ROBO1: variants seen among roughly 807,000 people sequenced by gnomAD.
ROBO1 encodes the protein roundabout guidance receptor 1.
Under a neutral mutation model 195.9 loss-of-function variants are expected in ROBO1, and 149 were observed. The ratio of observed to expected loss-of-function variants is 0.76; its 90% CI spans 0.67 to 0.87. The LOEUF is 0.87. Ranked by LOEUF, ROBO1 falls within the 40% of genes least tolerant of loss-of-function variation. The pLI, the probability that ROBO1 is intolerant of heterozygous loss-of-function variation, is 0.00. For missense variants in ROBO1, 1,933 were observed against 2,068.3 expected (o/e 0.93, Z 1.27); for synonymous variants, 816 against 733.2 (o/e 1.11, Z -1.82).
rs928346075 is a variant in ROBO1, at chr3:79,292,996, C to T, written c.89-167457G>A. Among the ~76,000 whole-genome samples the T allele has an allele frequency of 2.6e-5, 4 of 152,080 alleles. No individual in the cohort carries two copies. In the South Asian group the frequency reaches 8.3e-4, roughly 32 times the overall value. ...CTCTGGTAGAATTTGGCTGTGAATC[C>T]GTCTGGTCCTTCGCTTTTTTTGGTT... On this transcript the variant is annotated intron_variant, in intron 2 of 30. Coordinates refer to ENST00000464233, the MANE Select transcript of ROBO1 (RefSeq NM_002941.4).
intron 1 of ROBO1, among the ~76,000 whole-genome samples, chr3:79,652,845 A>G (rs1946051766): frequency 6.6e-6 from 1 of 152,072 alleles, no homozygotes; most frequent in Non-Finnish European, 1.5e-5. Context: ...TTTCTAAATT[A>G]GAAATTCTAA....
chr3:79,392,003 C>A (rs558953061), intron 2 of ROBO1, among the ~76,000 whole-genome samples: 6 of 152,166 alleles, frequency 3.9e-5, no homozygotes, highest in Middle Eastern at 3.4e-3. Context: ...TAGTTTAAGA[C>A]GAAATCATTA....
intron 2 of ROBO1, among the ~76,000 whole-genome samples, chr3:79,560,634 A>T (rs1942883663): frequency 6.7e-6 from 1 of 150,290 alleles, no homozygotes; most frequent in African/African-American, 2.5e-5. Context: ...TAGTCATCCG[A>T]GACCTAGTGG....
At chr3:78,662,293 A>G (rs1707469541) in intron 14 of ROBO1, among the ~76,000 whole-genome samples, 179 bp from the exon 15 acceptor site, 1 of 152,128 alleles carries the variant, frequency 6.6e-6, no homozygotes, top group African/African-American at 2.4e-5. Context: ...GGATCAGGAA[A>G]GTAAGAGGGG....
At chr3:79,687,675 A>G (rs1436235522) in intron 1 of ROBO1, among the ~76,000 whole-genome samples, 1 of 152,202 alleles carries the variant, frequency 6.6e-6, no homozygotes, top group African/African-American at 2.4e-5. Context: ...ATGAGATACC[A>G]TCTCACACCA....
intron 3 of ROBO1, among the ~76,000 whole-genome samples, chr3:79,063,470 G>T (rs2078954520): frequency 2.2e-5 from 3 of 135,630 alleles, no homozygotes; most frequent in East Asian, 2.2e-4. Context: ...CTTCTCATTT[G>T]TTCTTAATCT....
intron 1 of ROBO1, among the ~76,000 whole-genome samples, chr3:79,720,031 A>G (rs1444769381): frequency 3.3e-5 from 5 of 152,232 alleles, no homozygotes; most frequent in African/African-American, 1.2e-4. Flanking sequence ...ACTGTATCAC[A>G]TCATCACAAA....
chr3:79,472,072 C>G (rs1387205047), intron 2 of ROBO1, among the ~76,000 whole-genome samples: 1 of 151,926 alleles, frequency 6.6e-6, no homozygotes, highest in Non-Finnish European at 1.5e-5. Context: ...TACCCCAGAA[C>G]TTAAAGTATA....
intron 2 of ROBO1, among the ~76,000 whole-genome samples, chr3:79,208,687 ATG>A (rs59970776): frequency 0.64 from 92,546 of 145,112 alleles, 31,241 homozygotes; most frequent in Non-Finnish European, 0.76. Context: ...GTGGTGGGGC[ATG>A]TGTGTGTGTG....
At chr3:78,679,414 T>C (rs1332534938) in intron 10 of ROBO1, among the ~76,000 whole-genome samples, 4 of 152,224 alleles carry the variant, frequency 2.6e-5, no homozygotes, top group Non-Finnish European at 5.9e-5. Context: ...CATGATTGTA[T>C]ATCTACAAAA....
At chr3:79,491,384 G>T (rs980401770) in intron 2 of ROBO1, among the ~76,000 whole-genome samples, 1 of 152,112 alleles carries the variant, frequency 6.6e-6, no homozygotes, top group Non-Finnish European at 1.5e-5. Context: ...CTGACAGTCG[G>T]GTTGTAAGAG....
chr3:79,149,911 A>G (rs1400609675), intron 2 of ROBO1, among the ~76,000 whole-genome samples: 3 of 151,878 alleles, frequency 2.0e-5, no homozygotes, highest in African/African-American at 2.4e-5. Flanking sequence ...GCACATTTCA[A>G]AATGGTTACT....
chr3:78,833,093 C>A (rs2032375830), intron 4 of ROBO1, among the ~76,000 whole-genome samples: 2 of 151,884 alleles, frequency 1.3e-5, no homozygotes, highest in African/African-American at 4.8e-5. Flanking sequence ...GATTTCCATT[C>A]TAGATAGATC....
At chr3:79,247,479 T>C (rs950457631) in intron 2 of ROBO1, among the ~76,000 whole-genome samples, 1 of 151,836 alleles carries the variant, frequency 6.6e-6, no homozygotes, top group Non-Finnish European at 1.5e-5. Context: ...CGAAAAGGTA[T>C]CTAGAGAGTT....
intron 4 of ROBO1, among the ~76,000 whole-genome samples, chr3:78,801,883 C>G (rs1287494333): frequency 6.6e-6 from 1 of 152,116 alleles, no homozygotes; most frequent in Non-Finnish European, 1.5e-5. Flanking sequence ...ACAGGAAACA[C>G]TTCCTGTGGA....
At chr3:79,508,199 C>T (rs569535637) in intron 2 of ROBO1, among the ~76,000 whole-genome samples, 16 of 152,014 alleles carry the variant, frequency 1.1e-4, no homozygotes, top group Non-Finnish European at 2.9e-5. Flanking sequence ...CACATGTACA[C>T]CTATGTAACA....
At chr3:78,634,491 C>T (rs1324203305) in intron 23 of ROBO1, 17 of 362,754 alleles carry the variant, frequency 4.7e-5, no homozygotes, top group South Asian at 8.3e-5. Flanking sequence ...AATAATCTGT[C>T]GTCTAGTTGC....
At chr3:78,926,000 A>G (rs75559530) in intron 4 of ROBO1, among the ~76,000 whole-genome samples, 1 of 151,900 alleles carries the variant, frequency 6.6e-6, no homozygotes, top group Non-Finnish European at 1.5e-5. Flanking sequence ...CCTCCCCAGT[A>G]GCTGCCACTC....
chr3:79,573,727 G>T (rs764583916), intron 2 of ROBO1, among the ~76,000 whole-genome samples: 147 of 152,042 alleles, frequency 9.7e-4, no homozygotes, highest in Non-Finnish European at 1.6e-3. Flanking sequence ...TTTAATTTCT[G>T]CAGCCACCTC....
Sources: allele counts gnomAD v4.1 joint callset (sites outside exome capture counted in the v4.1 genomes callset), GRCh38; gene constraint gnomAD v4.1.1; transcripts MANE v1.5; gene names NCBI Gene and HGNC (gene_info 2026-07-23, HGNC 2026-07-21).